STPG2: variants seen among roughly 807,000 people sequenced by gnomAD.
STPG2 encodes sperm tail PG-rich repeat containing 2.
A neutral mutation model predicts 54.2 loss-of-function variants in STPG2; 56 were observed. The ratio of observed to expected loss-of-function variants is 1.03; its 90% CI spans 0.83 to 1.29. The LOEUF is 1.29. STPG2 is among the 50% of genes most tolerant of loss of function. STPG2 has a pLI of 0.00. For synonymous variants in STPG2, 200 were observed against 181.8 expected (o/e 1.10, Z -0.81); for missense variants, 596 against 544.9 (o/e 1.09, Z -0.93).
chr4:97,889,661 A>G (rs1282185704), intron 8 of STPG2, among the ~76,000 whole-genome samples: 1 of 152,200 alleles, frequency 6.6e-6, no homozygotes, highest in African/African-American at 2.4e-5. Flanking sequence ...AATGGCTGGT[A>G]GTAAGGGAAA....
chr4:97,903,401 TA>T (rs912390001), intron 8 of STPG2, among the ~76,000 whole-genome samples: 2 of 148,720 alleles, frequency 1.3e-5, no homozygotes, highest in African/African-American at 5.0e-5. Context: ...AAATTAAAAT[TA>T]AAAAATGGCC....
intron 5 of STPG2, among the ~76,000 whole-genome samples, chr4:98,038,046 TA>T (rs1736827943): frequency 6.6e-6 from 1 of 152,104 alleles, no homozygotes; most frequent in Non-Finnish European, 1.5e-5. Context: ...TTTATTTTTT[TA>T]ATTTTTCTTT....
intron 7 of STPG2, among the ~76,000 whole-genome samples, chr4:97,968,513 T>G (rs1045561032): frequency 6.6e-6 from 1 of 152,182 alleles, no homozygotes; most frequent in Non-Finnish European, 1.5e-5. Context: ...ATATCCCTGA[T>G]GAACATCAAT....
rs184173378 is a variant in STPG2, at chr4:97,562,755, C to T, written c.1321-3638G>A. On this transcript the variant is annotated intron_variant, in intron 10 of 10. Coordinates refer to ENST00000295268, the MANE Select transcript of STPG2 (RefSeq NM_174952.3). ...ATGCTGGATTACATTTATTGATTTG[C>T]GTATATTGAACCAGCCTTGCATCCC... Among the ~76,000 whole-genome samples, 1,035 of 152,030 alleles carry T rather than the reference C, an allele frequency of 6.8e-3. 6 individuals are homozygous for T. Among genetic ancestry groups the T allele is most frequent in the East Asian group, 0.027 (141 of 5,164 alleles).
chr4:97,493,164 G>T (rs574510036), intron 4 of STPG2, among the ~76,000 whole-genome samples: 2 of 150,440 alleles, frequency 1.3e-5, no homozygotes, highest in African/African-American at 4.9e-5. Flanking sequence ...GTAAAACGTC[G>T]GTTATTACAG....
intron 10 of STPG2, among the ~76,000 whole-genome samples, chr4:97,630,689 A>G (rs1321339436): frequency 6.6e-6 from 1 of 151,912 alleles, no homozygotes; most frequent in East Asian, 1.9e-4. Context: ...CAGAAATATC[A>G]AAACAATTAA....
intron 5 of STPG2, among the ~76,000 whole-genome samples, chr4:98,024,331 A>G (rs576907068): frequency 6.6e-6 from 1 of 152,318 alleles, no homozygotes; most frequent in East Asian, 1.9e-4. Context: ...ACTGCTGATT[A>G]TCAAATGTTT....
At chr4:97,442,775 A>C (rs1178353648) in intron 4 of STPG2, among the ~76,000 whole-genome samples, 1 of 152,178 alleles carries the variant, frequency 6.6e-6, no homozygotes, top group Non-Finnish European at 1.5e-5. Context: ...ACATATTCTT[A>C]GTTTCTAATG....
At chr4:97,869,410 A>G (rs1313187443) in intron 8 of STPG2, among the ~76,000 whole-genome samples, 2 of 151,708 alleles carry the variant, frequency 1.3e-5, no homozygotes, top group African/African-American at 2.4e-5. Context: ...CTATTTAGCA[A>G]TACAAGAAGG....
intron 9 of STPG2, among the ~76,000 whole-genome samples, chr4:97,801,084 G>T (rs1355622583): frequency 6.6e-6 from 1 of 152,166 alleles, no homozygotes; most frequent in Admixed American, 6.5e-5. Flanking sequence ...GTCTGTCACA[G>T]CTTCTCTTGG....
At chr4:97,511,804 C>T (rs569944105) in intron 4 of STPG2, among the ~76,000 whole-genome samples, 102 of 151,222 alleles carry the variant, frequency 6.7e-4, no homozygotes, top group African/African-American at 2.3e-3. Flanking sequence ...TAATTTCCTA[C>T]ATAAAAAAAA....
chr4:97,673,530 A>C (rs1722755883), intron 10 of STPG2, among the ~76,000 whole-genome samples: 1 of 152,184 alleles, frequency 6.6e-6, no homozygotes, highest in African/African-American at 2.4e-5. Context: ...TGATGTAATT[A>C]TTCACTCAGG....
chr4:98,027,497 TTCTGGATATGATCCA>T (rs1736462412), intron 5 of STPG2, among the ~76,000 whole-genome samples: 1 of 152,164 alleles, frequency 6.6e-6, no homozygotes, highest in African/African-American at 2.4e-5. Context: ...ATGGATGAAA[TTCTGGATATGATCCA>T]TCTAGGGCAA....
At chr4:97,927,624 T>C (rs1472503573) in intron 8 of STPG2, among the ~76,000 whole-genome samples, 1 of 152,040 alleles carries the variant, frequency 6.6e-6, no homozygotes, top group Admixed American at 6.6e-5. Context: ...CAAAAAAAGT[T>C]TATAATACTA....
At chr4:97,956,844 C>T (rs534215504) in intron 7 of STPG2, among the ~76,000 whole-genome samples, 36 of 152,262 alleles carry the variant, frequency 2.4e-4, no homozygotes, top group African/African-American at 8.2e-4. Context: ...GAGTCCTACA[C>T]CTTTCCTCTG....
intron 4 of STPG2, among the ~76,000 whole-genome samples, chr4:97,463,988 C>A (rs1322756226): frequency 9.2e-5 from 14 of 152,070 alleles, no homozygotes; most frequent in Admixed American, 7.2e-4. Context: ...CATAGATGTA[C>A]CAAAATTTGA....
intron 8 of STPG2, among the ~76,000 whole-genome samples, chr4:97,862,777 T>C (rs999274620): frequency 7.9e-5 from 12 of 152,104 alleles, no homozygotes; most frequent in Admixed American, 2.6e-4. Context: ...AAATTAGAAC[T>C]CAGGATTAAG....
Position 97,643,089 on chromosome 4 carries a change from T to C in STPG2, c.1320+69610A>G, listed in dbSNP as rs147421987. Among the ~76,000 whole-genome samples the C allele has an allele frequency of 6.9e-3, 1,042 of 151,764 alleles. 14 individuals are homozygous for C. The highest frequency in any genetic ancestry group is 0.036 in the South Asian group (173 of 4,830). On this transcript the variant is annotated intron_variant, in intron 10 of 10. Transcript: ENST00000295268. ...TATTTTTTCATGGAACTGCTAAAAA[T>C]AACTCCTTATTCATTATATAACAGA...
rs549894671 is a variant in STPG2, at chr4:97,780,775, A to T, written c.1204+59998T>A. On this transcript the variant is annotated intron_variant, in intron 9 of 10. Transcript: ENST00000295268. ...TCAAACTAGAACTCAGGATTAAGAA[A>T]CTCACTCAAAACTGCTCAACTACAT... Among the ~76,000 whole-genome samples, 286 of 152,094 alleles carry T rather than the reference A, an allele frequency of 1.9e-3. 1 individual carries two copies. The highest frequency in any genetic ancestry group is 6.4e-3 in the African/African-American group (266 of 41,430).
Sources: gnomAD v4.1 joint callset for allele counts (sites outside exome capture counted in the v4.1 genomes callset) on GRCh38, gnomAD v4.1.1 for gene constraint, MANE v1.5 for transcripts, NCBI Gene and HGNC (gene_info 2026-07-23, HGNC 2026-07-21) for gene names.